The following ASAP2 variants were observed in gnomAD, a reference collection of about 807,000 sequenced individuals.
ASAP2 encodes the protein arf-GAP with SH3 domain, ANK repeat and PH domain-containing protein 2.
A neutral mutation model predicts 131.4 loss-of-function variants in ASAP2; 45 were observed. The ratio of observed to expected loss-of-function variants is 0.34; its 90% confidence interval spans 0.27 to 0.44. The LOEUF is 0.44. ASAP2 is among the 20% of genes least tolerant of loss of function. The pLI is 1.00. For synonymous variants in ASAP2, 510 were observed against 503.0 expected (o/e 1.01, Z -0.19); for missense variants, 1,011 against 1,297.0 (o/e 0.78, Z 3.39).
intron 12 of ASAP2, among the ~76,000 whole-genome samples, chr2:9,355,215 C>A (rs1162223273): frequency 6.6e-6 from 1 of 152,084 alleles, no homozygotes; most frequent in African/African-American, 2.4e-5. Flanking sequence ...TTTTTCTGTT[C>A]CAGAATTCTA....
intron 1 of ASAP2, among the ~76,000 whole-genome samples, chr2:9,245,361 G>A (rs978080808): frequency 1.2e-4 from 18 of 152,276 alleles, no homozygotes; most frequent in African/African-American, 4.1e-4. Context: ...TGCCTGACAC[G>A]GAGCCAGCCT....
chr2:9,324,377 T>C (rs1670351557), intron 6 of ASAP2, among the ~76,000 whole-genome samples: 1 of 152,216 alleles, frequency 6.6e-6, no homozygotes, highest in African/African-American at 2.4e-5. Context: ...TATCTACTTA[T>C]CTTAGCCTGT....
intron 1 of ASAP2, among the ~76,000 whole-genome samples, chr2:9,219,789 GC>G (rs1373985521): frequency 7.9e-5 from 12 of 152,048 alleles, no homozygotes; most frequent in African/African-American, 2.9e-4. Flanking sequence ...AAGTTGTGTA[GC>G]CATCACCACT....
At chr2:9,308,808 G>T (rs1202421831) in intron 3 of ASAP2, among the ~76,000 whole-genome samples, 1 of 152,170 alleles carries the variant, frequency 6.6e-6, no homozygotes, top group Admixed American at 6.5e-5. Flanking sequence ...CAAAATGGGG[G>T]TCACGGCACA....
intron 1 of ASAP2, among the ~76,000 whole-genome samples, chr2:9,240,155 C>T (rs537077484): frequency 6.6e-6 from 1 of 152,088 alleles, no homozygotes; most frequent in South Asian, 2.1e-4. Context: ...TGTTCCAAGA[C>T]CCTCGGTGGA....
Position 9,335,142 on chromosome 2 carries a change from A to T in ASAP2, c.812A>T (p.Asp271Val). The change falls in exon 9 of 28, where the codon GAT becomes GTT. Residue 271 changes from aspartate to valine, a missense_variant. This residue lies in a region of ASAP2 where 359 missense variants were observed against 598.1 expected (regional missense o/e 0.60). Transcript: ENST00000281419. The stretch of plus-strand genomic sequence containing the variant: ...AGAAGGCAGTTGATACAGCTTCGAG[A>T]TATTTTGAAATCCGCATTGCAGGTT... Reference protein sequence around the residue: ...EERRQLIQLRDILKSALQVEQ... With the variant: ...EERRQLIQLRVILKSALQVEQ... 3.1e-6 allele frequency: 5 copies of T among 1,614,064 alleles called. No homozygotes were observed. Among genetic ancestry groups the T allele is most frequent in the Non-Finnish European group, 4.2e-6 (5 of 1,180,006 alleles).
At chr2:9,334,981 C>T (rs147223098) in intron 8 of ASAP2, 112 bp from the exon 9 acceptor site, 15 of 1,351,758 alleles carry the variant, frequency 1.1e-5, no homozygotes, top group Admixed American at 7.2e-5. Context: ...GTTTGACCAG[C>T]GAGGGAGGCA....
intron 8 of ASAP2, 81 bp from the exon 9 acceptor site, chr2:9,335,011 AT>A (rs1671107034): frequency 1.4e-6 from 2 of 1,447,360 alleles, no homozygotes; most frequent in East Asian, 2.3e-5. Context: ...TTGTGTGGAA[AT>A]GGCCCCATGA....
intron 21 of ASAP2, 120 bp downstream of exon 21, chr2:9,385,478 A>G (rs1164905214): frequency 1.3e-6 from 1 of 777,358 alleles, no homozygotes; most frequent in African/African-American, 1.7e-5. Flanking sequence ...AGCTTACTTT[A>G]TGCTTTCATT....
chr2:9,265,711 TTGTG>T (rs140189620), intron 1 of ASAP2, among the ~76,000 whole-genome samples: 407 of 151,432 alleles, frequency 2.7e-3, no homozygotes, highest in African/African-American at 9.6e-3. Context: ...CTTTTACAAT[TTGTG>T]TGTGTGTGTG....
At chr2:9,364,327 G>A (rs898806472) in intron 15 of ASAP2, among the ~76,000 whole-genome samples, 27 of 151,940 alleles carry the variant, frequency 1.8e-4, no homozygotes, top group African/African-American at 6.5e-4. Context: ...GGGCCACATG[G>A]CAAAACCCCA....
intron 9 of ASAP2, among the ~76,000 whole-genome samples, chr2:9,337,592 G>A (rs1671295653): frequency 6.6e-6 from 1 of 152,172 alleles, no homozygotes; most frequent in Non-Finnish European, 1.5e-5. Context: ...CAAAGAAACT[G>A]CCTTGATGGT....
intron 1 of ASAP2, among the ~76,000 whole-genome samples, chr2:9,235,901 G>A (rs1315875107): frequency 2.0e-5 from 3 of 152,170 alleles, no homozygotes; most frequent in African/African-American, 7.2e-5. Context: ...CCACCTGGCA[G>A]TTTAGCCTCC....
intron 15 of ASAP2, among the ~76,000 whole-genome samples, chr2:9,366,053 C>T (rs922135767): frequency 6.6e-6 from 1 of 152,138 alleles, no homozygotes; most frequent in South Asian, 2.1e-4. Flanking sequence ...CTTCCTGCCC[C>T]CTTGGTTTCT....
rs1667937664 is a variant in ASAP2 at position 9,293,357 on chromosome 2, C to T, written c.200-3943C>T. ...AGATTCTTATTTTCCAAAGTCCCTC[C>T]CAGGTCAGTGATTATTGGATCTGGA... On this transcript the variant is annotated intron_variant, in intron 2 of 27. Transcript: ENST00000281419. Among the ~76,000 whole-genome samples the T allele has an allele frequency of 2.6e-5, 4 of 152,086 alleles. No homozygotes were observed. The South Asian group carries it at 6.2e-4, about 24-fold the overall frequency.
intron 1 of ASAP2, among the ~76,000 whole-genome samples, chr2:9,218,095 T>C (rs1351302022): frequency 6.6e-6 from 1 of 152,172 alleles, no homozygotes. Flanking sequence ...CAGCATTTGA[T>C]AGAGTAAGAA....
Position 9,403,648 on chromosome 2 carries a change from A to G in ASAP2, c.*321A>G, listed in dbSNP as rs539118946. ...AGCTAAACCTAAAAATGTTTGCATTAATGAATAAATTCTTCCTGCATTCCT... is the reference window on the plus strand; with the variant it reads ...AGCTAAACCTAAAAATGTTTGCATTGATGAATAAATTCTTCCTGCATTCCT... On this transcript the variant is annotated 3_prime_UTR_variant, in exon 28 of 28. Coordinates refer to ENST00000281419, the MANE Select transcript of ASAP2 (RefSeq NM_003887.3). The G allele has an allele frequency of 7.8e-6, 2 of 258,036 alleles. No homozygotes were observed. Among genetic ancestry groups the G allele is most frequent in the South Asian group, 7.1e-5 (1 of 14,026 alleles). The allele number at this position is 258,036 out of a possible 1,614,324, so 16.0% of individuals were successfully genotyped here.
At position 9,281,367 on chromosome 2, in the gene ASAP2, A is replaced by C. The variant is rs1357621385; in HGVS notation, c.199+1978A>C. Among the ~76,000 whole-genome samples the C allele has an allele frequency of 6.6e-6, 1 of 152,220 alleles. No individual in the cohort carries two copies. Among genetic ancestry groups the C allele is most frequent in the East Asian group, 1.9e-4 (1 of 5,196 alleles). On this transcript the variant is annotated intron_variant, in intron 2 of 27. Coordinates refer to ENST00000281419, the MANE Select transcript of ASAP2 (RefSeq NM_003887.3). This position sits in a 1 kb window ranked among gnomAD's most constrained non-coding sequence, Gnocchi z 4.0. ...TCCCAAGGCTGGCCCAGTGGCTGGCAGTACAGCTTATAAACAGCCCTGCAT... is the reference window on the plus strand; with the variant it reads ...TCCCAAGGCTGGCCCAGTGGCTGGCCGTACAGCTTATAAACAGCCCTGCAT...
intron 19 of ASAP2, among the ~76,000 whole-genome samples, chr2:9,380,052 T>G (rs1390951383): frequency 6.6e-6 from 1 of 152,094 alleles, no homozygotes; most frequent in African/African-American, 2.4e-5. Flanking sequence ...GAGAGAAGGT[T>G]TAAAAGTTTG....
Sources: gnomAD v4.1 joint callset for allele counts (sites outside exome capture counted in the v4.1 genomes callset) on GRCh38, gnomAD v4.1.1 for gene constraint, gnomAD v4.1.1 regional missense constraint, Gnocchi (gnomAD v3.1) non-coding constraint, MANE v1.5 for transcripts, NCBI Gene and HGNC (gene_info 2026-07-23, HGNC 2026-07-21) for gene names.